SPOCK1: variants seen among roughly 807,000 people sequenced by gnomAD.
SPOCK1 encodes SPARC (osteonectin), cwcv and kazal like domains proteoglycan 1.
In SPOCK1, 23 loss-of-function variants were observed where a neutral mutation model predicts 55.3. That is an observed-to-expected ratio of 0.42 (90% CI 0.30 to 0.59). The LOEUF is 0.59. SPOCK1 is among the 20% of genes least tolerant of loss of function. SPOCK1 has a pLI of 0.22. For synonymous variants in SPOCK1, 226 were observed against 221.0 expected (o/e 1.02, Z -0.20); for missense variants, 499 against 552.5 (o/e 0.90, Z 0.97).
chr5:137,246,473 C>T (rs892615), intron 3 of SPOCK1, among the ~76,000 whole-genome samples: 10,249 of 152,258 alleles, frequency 0.067, 1,054 homozygotes, highest in African/African-American at 0.23. Flanking sequence ...ATATTTTCTC[C>T]CACTCCCACT....
Position 136,979,467 on chromosome 5 carries a change from C to T in SPOCK1, c.994G>A (p.Ala332Thr). 6.2e-7 allele frequency: 1 copy of T among 1,612,844 alleles called. No individual in the cohort carries two copies. The change falls in exon 10 of 11, where the codon GCC (alanine) becomes ACC (threonine). Residue 332 changes from alanine to threonine, a missense_variant and splice_region_variant. Around this residue, in one of 3 missense-constraint regions of SPOCK1, gnomAD observed 30 missense variants for 64.4 expected, o/e 0.47. Transcript: ENST00000394945. ...KLSKGKSLLG[A>T]FIPRCNEEGY... Reference sequence around the variant, plus strand: ...TCCTCATTACACCGAGGTATGAAGGCCCCTGGGGGAACAAAAGGTGCAACT... The same window carrying T: ...TCCTCATTACACCGAGGTATGAAGGTCCCTGGGGGAACAAAAGGTGCAACT...
intron 5 of SPOCK1, among the ~76,000 whole-genome samples, chr5:137,073,850 A>G (rs948909327): frequency 1.3e-5 from 2 of 152,206 alleles, no homozygotes; most frequent in Non-Finnish European, 2.9e-5. Flanking sequence ...CAGTCTTAAA[A>G]TGTCTCCTTA....
chr5:137,051,595 T>C (rs1163851488), intron 6 of SPOCK1, among the ~76,000 whole-genome samples: 1 of 152,086 alleles, frequency 6.6e-6, no homozygotes, highest in Admixed American at 6.5e-5. Flanking sequence ...AAAATCTTAG[T>C]TCATCAGAAA....
At chr5:137,096,765 T>C (rs199576838) in intron 5 of SPOCK1, among the ~76,000 whole-genome samples, 2 of 125,368 alleles carry the variant, frequency 1.6e-5, no homozygotes, top group African/African-American at 2.7e-5. Flanking sequence ...TATGTAAACA[T>C]ATTTAAAATC....
At chr5:137,212,352 A>C (rs1755633513) in intron 3 of SPOCK1, among the ~76,000 whole-genome samples, 1 of 152,206 alleles carries the variant, frequency 6.6e-6, no homozygotes, top group African/African-American at 2.4e-5. Flanking sequence ...ACTAAAAATC[A>C]GGGACAATCA....
chr5:137,488,527 T>C (rs542199992), intron 2 of SPOCK1, among the ~76,000 whole-genome samples: 118 of 152,306 alleles, frequency 7.7e-4, no homozygotes, highest in Admixed American at 1.4e-3. Context: ...TGTAAAGATA[T>C]TAGTCTGAGA....
chr5:137,325,950 T>C (rs1409095676), intron 2 of SPOCK1, among the ~76,000 whole-genome samples: 3 of 152,184 alleles, frequency 2.0e-5, no homozygotes, highest in Non-Finnish European at 4.4e-5. Flanking sequence ...TTGGTTCTGA[T>C]TGATATCAAC....
intron 5 of SPOCK1, among the ~76,000 whole-genome samples, chr5:137,104,655 C>T (rs192504777): frequency 3.3e-5 from 5 of 152,178 alleles, no homozygotes; most frequent in South Asian, 4.2e-4. Context: ...CATAGGAGTG[C>T]GAATCCTACT....
chr5:137,023,147 T>C (rs769570031), intron 6 of SPOCK1, among the ~76,000 whole-genome samples: 2 of 152,204 alleles, frequency 1.3e-5, no homozygotes, highest in African/African-American at 4.8e-5. Flanking sequence ...GTCTTCATCT[T>C]AAGAATGGGA....
At chr5:137,024,998 C>CCAGT (rs1751644655) in intron 6 of SPOCK1, among the ~76,000 whole-genome samples, 1 of 152,068 alleles carries the variant, frequency 6.6e-6, no homozygotes, top group Non-Finnish European at 1.5e-5. Flanking sequence ...GGGATGTAAA[C>CCAGT]CAGTCACAGA....
chr5:136,992,144 A>G (rs1750960262), intron 7 of SPOCK1, among the ~76,000 whole-genome samples: 1 of 152,228 alleles, frequency 6.6e-6, no homozygotes, highest in African/African-American at 2.4e-5. Context: ...ATGAAAAGAT[A>G]GTCACATTTC....
chr5:137,245,631 G>A (rs947842176), intron 3 of SPOCK1, among the ~76,000 whole-genome samples: 3 of 152,278 alleles, frequency 2.0e-5, no homozygotes, highest in African/African-American at 7.2e-5. Context: ...TTGCAAAGGT[G>A]CACAGAGCAT....
chr5:137,033,109 T>C (rs1395837169), intron 6 of SPOCK1, among the ~76,000 whole-genome samples: 1 of 152,190 alleles, frequency 6.6e-6, no homozygotes, highest in Non-Finnish European at 1.5e-5. Flanking sequence ...TCGGCTATGA[T>C]GCAGCTGAAT....
intron 3 of SPOCK1, among the ~76,000 whole-genome samples, chr5:137,198,492 A>T (rs1755347258): frequency 6.6e-6 from 1 of 152,254 alleles, no homozygotes; most frequent in Non-Finnish European, 1.5e-5. Flanking sequence ...TTTTCAAAAA[A>T]TACTGGCTAA....
chr5:137,131,701 G>T (rs1417162882), intron 4 of SPOCK1, among the ~76,000 whole-genome samples: 5 of 151,326 alleles, frequency 3.3e-5, no homozygotes, highest in Non-Finnish European at 7.4e-5. Context: ...CCCCGGGTGT[G>T]GTAGCTCACG....
intron 6 of SPOCK1, among the ~76,000 whole-genome samples, chr5:137,066,451 A>G (rs1278624952): frequency 2.6e-5 from 4 of 152,192 alleles, no homozygotes; most frequent in African/African-American, 4.8e-5. Context: ...CAACATGGCA[A>G]TGTCTAGCCT....
intron 2 of SPOCK1, among the ~76,000 whole-genome samples, chr5:137,408,374 T>C (rs903129330): frequency 1.3e-5 from 2 of 152,164 alleles, no homozygotes; most frequent in Non-Finnish European, 2.9e-5. Context: ...TTTCCTCTCA[T>C]ATAGGCCCAA....
At chr5:137,279,296 G>T (rs1198176224) in intron 2 of SPOCK1, among the ~76,000 whole-genome samples, 1 of 152,200 alleles carries the variant, frequency 6.6e-6, no homozygotes, top group African/African-American at 2.4e-5. Flanking sequence ...GAAGTAACAA[G>T]AAAGGTAACC....
intron 6 of SPOCK1, among the ~76,000 whole-genome samples, chr5:137,003,575 T>C (rs913244037): frequency 2.6e-5 from 4 of 152,106 alleles, no homozygotes; most frequent in Non-Finnish European, 4.4e-5. Context: ...CTGTAAGAGG[T>C]TGTTGACAGA....
Sources: allele counts gnomAD v4.1 joint callset (sites outside exome capture counted in the v4.1 genomes callset), GRCh38; gene constraint gnomAD v4.1.1; regional missense constraint gnomAD v4.1.1; transcripts MANE v1.5; gene names NCBI Gene and HGNC (gene_info 2026-07-23, HGNC 2026-07-21).